Variants in ZNF569 observed in about 807,000 individuals in gnomAD.
The protein encoded by ZNF569 is zinc finger protein 569.
Under a neutral mutation model 56.3 loss-of-function variants are expected in ZNF569, and 38 were observed. That is an observed-to-expected ratio of 0.68 (90% confidence interval 0.52 to 0.88). ZNF569 has a LOEUF of 0.88. Among genes scored for constraint, ZNF569 ranks in the 40% least tolerant of loss-of-function variants. The probability of loss-of-function intolerance (pLI) is 0.00; values close to 1 mark genes in which losing one functional copy is unlikely to be tolerated. For missense variants in ZNF569, 666 were observed against 809.2 expected (o/e 0.82, Z 2.15); for synonymous variants, 241 against 262.9 (o/e 0.92, Z 0.81).
intron 3 of ZNF569, among the ~76,000 whole-genome samples, chr19:37,431,377 C>T: frequency 6.6e-6 from 1 of 152,148 alleles, no homozygotes; most frequent in East Asian, 1.9e-4. Flanking sequence ...TATGATAGGG[C>T]ACCAGGCAGA....
chr19:37,429,395 G>A (rs2041189553), intron 3 of ZNF569, among the ~76,000 whole-genome samples: 1 of 152,212 alleles, frequency 6.6e-6, no homozygotes, highest in East Asian at 1.9e-4. Context: ...TTCGTTCTCT[G>A]CCCTTTGGAG....
chr19:37,445,401 G>A (rs137940272), intron 2 of ZNF569, among the ~76,000 whole-genome samples: 6 of 152,216 alleles, frequency 3.9e-5, no homozygotes, highest in East Asian at 3.9e-4. Context: ...AATGTGTATC[G>A]GAGGTACTGA....
intron 3 of ZNF569, among the ~76,000 whole-genome samples, chr19:37,437,015 C>CAAAA (rs368735580): frequency 5.0e-5 from 5 of 100,146 alleles, no homozygotes; most frequent in East Asian, 2.8e-4. Context: ...CAAGACACAT[C>CAAAA]AAAAAAAAAA....
At chr19:37,446,581 G>T (rs2041501525) in intron 2 of ZNF569, among the ~76,000 whole-genome samples, 1 of 147,488 alleles carries the variant, frequency 6.8e-6, no homozygotes, top group African/African-American at 2.5e-5. Flanking sequence ...AATGAAACTG[G>T]ATCCTTATCT....
rs3840940 is a variant in ZNF569, at chr19:37,412,414, A to AT, written c.*182_*183insA. 192,565 of 1,101,252 alleles carry AT rather than the reference A, an allele frequency of 0.17. 18,450 individuals are homozygous for AT. The highest frequency in any genetic ancestry group is 0.31 in the African/African-American group (19,388 of 61,584). The allele number at this position is 1,101,252 out of a possible 1,614,324, so 68.2% of individuals were successfully genotyped here. A position where few individuals can be genotyped will look rare whatever the true frequency, so the allele number is the denominator to read the frequency against. The stretch of plus-strand genomic sequence containing the variant: ...AGATGTCTGCTGAAAGTTTCTGGTA[A>AT]CAGCTTTTTCATTATATAATTTGTC... On this transcript the variant is annotated 3_prime_UTR_variant, in exon 6 of 6. Transcript: ENST00000316950.
At chr19:37,415,929 C>T (rs904208545) in intron 5 of ZNF569, among the ~76,000 whole-genome samples, 3 of 150,790 alleles carry the variant, frequency 2.0e-5, no homozygotes, top group Non-Finnish European at 3.0e-5. Flanking sequence ...AAAAGAGTTG[C>T]CCCTCTTTTC....
At chr19:37,464,245 A>G (rs1468094004) in intron 2 of ZNF569, among the ~76,000 whole-genome samples, 1 of 152,182 alleles carries the variant, frequency 6.6e-6, no homozygotes, top group Non-Finnish European at 1.5e-5. Flanking sequence ...GATGGAGTAC[A>G]GTGGCGCAAT....
intron 5 of ZNF569, among the ~76,000 whole-genome samples, chr19:37,422,630 T>C (rs547086101): frequency 2.6e-5 from 4 of 152,044 alleles, no homozygotes; most frequent in Non-Finnish European, 4.4e-5. Context: ...AAATAAAGCA[T>C]AATAACATGA....
At chr19:37,437,989 C>T (rs183040386) in intron 3 of ZNF569, among the ~76,000 whole-genome samples, 26 of 121,210 alleles carry the variant, frequency 2.1e-4, no homozygotes, top group Middle Eastern at 8.8e-3. Flanking sequence ...TTATATGCAA[C>T]CACAAAAGAC....
chr19:37,453,156 T>G (rs1031837091), intron 2 of ZNF569, among the ~76,000 whole-genome samples: 3 of 152,202 alleles, frequency 2.0e-5, no homozygotes, highest in African/African-American at 7.2e-5. Flanking sequence ...GATGGCGTAC[T>G]GGTTGCACAA....
At chr19:37,417,964 G>T (rs1006603014) in intron 5 of ZNF569, among the ~76,000 whole-genome samples, 2 of 151,972 alleles carry the variant, frequency 1.3e-5, no homozygotes, top group Non-Finnish European at 2.9e-5. Context: ...AGCCAGGCAT[G>T]GTGGCACGTG....
At chr19:37,430,461 T>C (rs1333067557) in intron 3 of ZNF569, among the ~76,000 whole-genome samples, 1 of 152,062 alleles carries the variant, frequency 6.6e-6, no homozygotes, top group African/African-American at 2.4e-5. Flanking sequence ...AGAGAAAATC[T>C]TGAAAACAGC....
At position 37,413,769 on chromosome 19, in the gene ZNF569, G is replaced by A. The variant is rs2146850995; in HGVS notation, c.889C>T (p.Pro297Ser). The change falls in exon 6 of 6, where the codon CCT becomes TCT. Residue 297 changes from proline (P) to serine (S), a missense_variant. Transcript: ENST00000316950. ...TTTCCACACTCATTACATTCATAAG[G>A]TTTCTCTCCAGTATGAATTTTTTCA... Reference protein sequence around the residue: ...DHEKIHTGEKPYECNECGKAF... With the variant: ...DHEKIHTGEKSYECNECGKAF... The A allele has an allele frequency of 1.2e-6, 2 of 1,613,588 alleles. No individual in the cohort carries two copies. Among genetic ancestry groups the A allele is most frequent in the South Asian group, 1.1e-5 (1 of 91,058 alleles).
At chr19:37,415,751 G>A (rs1346703507) in intron 5 of ZNF569, among the ~76,000 whole-genome samples, 1 of 151,442 alleles carries the variant, frequency 6.6e-6, no homozygotes, top group African/African-American at 2.4e-5. Context: ...ATGGTGGCGG[G>A]CACCTCTAGT....
intron 2 of ZNF569, among the ~76,000 whole-genome samples, chr19:37,461,541 G>T (rs775659262): frequency 1.4e-4 from 21 of 151,924 alleles, no homozygotes; most frequent in Non-Finnish European, 1.9e-4. Flanking sequence ...TCTTGATCTC[G>T]CAATGTGCCC....
chr19:37,459,254 A>G (rs555407537), intron 2 of ZNF569, among the ~76,000 whole-genome samples: 7 of 151,826 alleles, frequency 4.6e-5, no homozygotes, highest in African/African-American at 1.7e-4. Flanking sequence ...CCACACGTGT[A>G]TATCATATTG....
chr19:37,436,414 G>C (rs903399253), intron 3 of ZNF569, among the ~76,000 whole-genome samples: 2 of 151,680 alleles, frequency 1.3e-5, no homozygotes, highest in African/African-American at 2.4e-5. Flanking sequence ...ACAATTTAAT[G>C]ATGCATCTTA....
intron 3 of ZNF569, among the ~76,000 whole-genome samples, chr19:37,432,753 T>C (rs917903397): frequency 6.6e-6 from 1 of 152,168 alleles, no homozygotes; most frequent in Admixed American, 6.5e-5. Flanking sequence ...ATAGCTGTTT[T>C]CAGGAAACTC....
At chr19:37,451,128 G>A (rs377043678) in intron 2 of ZNF569, among the ~76,000 whole-genome samples, 152 of 152,206 alleles carry the variant, frequency 1.0e-3, no homozygotes, top group African/African-American at 3.3e-3. Context: ...GGCCAGGCAC[G>A]GTGGCTCATG....
Sources: allele counts gnomAD v4.1 joint callset (sites outside exome capture counted in the v4.1 genomes callset), GRCh38; gene constraint gnomAD v4.1.1; transcripts MANE v1.5; gene names NCBI Gene and HGNC (gene_info 2026-07-23, HGNC 2026-07-21).